The following CBR4 variants were observed in gnomAD, a reference collection of about 807,000 sequenced individuals.
CBR4 encodes the protein carbonyl reductase 4.
A neutral mutation model predicts 21.0 loss-of-function variants in CBR4; 22 were observed. The ratio of observed to expected loss-of-function variants is 1.05; its 90% CI spans 0.75 to 1.50. CBR4 has a LOEUF of 1.50. Ranked by LOEUF, CBR4 falls within the 40% of genes most tolerant of loss-of-function variation. The pLI, the probability that CBR4 is intolerant of heterozygous loss-of-function variation, is 0.00. For synonymous variants in CBR4, 100 were observed against 104.4 expected (o/e 0.96, Z 0.26); for missense variants, 302 against 286.3 (o/e 1.05, Z -0.40).
chr4:168,898,320 C>T, intron 2 of CBR4: 1 of 645,560 alleles, frequency 1.5e-6, no homozygotes, highest in South Asian at 1.8e-5. Context: ...ACCACATAAA[C>T]TCACTTCCAG....
At chr4:168,938,624 G>GGATA (rs1462960978) in intron 2 of CBR4, among the ~76,000 whole-genome samples, 1 of 151,962 alleles carries the variant, frequency 6.6e-6, no homozygotes, top group Non-Finnish European at 1.5e-5. Context: ...ATGACACAGG[G>GGATA]GATATCACCA....
chr4:168,963,197 T>G (rs947899724), intron 2 of CBR4, among the ~76,000 whole-genome samples: 1 of 152,246 alleles, frequency 6.6e-6, no homozygotes, highest in African/African-American at 2.4e-5. Flanking sequence ...TTGTGGTTGA[T>G]TTCAGCACAA....
chr4:169,000,688 T>C (rs1275821615), intron 4 of CBR4, among the ~76,000 whole-genome samples: 1 of 152,146 alleles, frequency 6.6e-6, no homozygotes, highest in Non-Finnish European at 1.5e-5. Flanking sequence ...CTGGCAGAGG[T>C]AGATAAAAAC....
intron 2 of CBR4, among the ~76,000 whole-genome samples, chr4:168,918,841 C>T (rs1230269226): frequency 6.6e-6 from 1 of 151,958 alleles, no homozygotes; most frequent in Non-Finnish European, 1.5e-5. Flanking sequence ...TGTAAAATAA[C>T]GTTTTGAGTT....
chr4:168,981,523 G>A (rs1208975847), intron 2 of CBR4, among the ~76,000 whole-genome samples: 1 of 152,162 alleles, frequency 6.6e-6, no homozygotes, highest in African/African-American at 2.4e-5. Context: ...GCTGGGGAAT[G>A]AATCTCAGAG....
intron 2 of CBR4, among the ~76,000 whole-genome samples, chr4:168,932,314 G>C (rs952191083): frequency 2.6e-5 from 4 of 151,008 alleles, no homozygotes; most frequent in African/African-American, 9.7e-5. Flanking sequence ...GCAATCAAGA[G>C]CTTCAACAAC....
intron 1 of CBR4, among the ~76,000 whole-genome samples, chr4:169,009,380 TA>T (rs1731194909): frequency 6.6e-6 from 1 of 152,196 alleles, no homozygotes; most frequent in African/African-American, 2.4e-5. Flanking sequence ...TTAATAACAT[TA>T]AAGCAAACCA....
At chr4:168,901,078 CT>C (rs1756415822) in intron 2 of CBR4, among the ~76,000 whole-genome samples, 2 of 152,100 alleles carry the variant, frequency 1.3e-5, no homozygotes, top group African/African-American at 2.4e-5. Flanking sequence ...ATTGTTTAAA[CT>C]TTTCATTGTT....
chr4:168,971,643 G>A (rs574289035), intron 2 of CBR4, among the ~76,000 whole-genome samples: 19 of 151,958 alleles, frequency 1.3e-4, no homozygotes, highest in African/African-American at 2.9e-4. Context: ...TTTATGATAG[G>A]ATTATTTGTT....
At chr4:168,950,021 C>G (rs1207437645) in intron 2 of CBR4, among the ~76,000 whole-genome samples, 1 of 152,118 alleles carries the variant, frequency 6.6e-6, no homozygotes, top group Non-Finnish European at 1.5e-5. Flanking sequence ...CTTGGTTAAT[C>G]TTCCTAATGG....
At chr4:169,002,638 T>C (rs17054631) in intron 3 of CBR4, among the ~76,000 whole-genome samples, 33 of 152,338 alleles carry the variant, frequency 2.2e-4, no homozygotes, top group East Asian at 1.5e-3. Flanking sequence ...GCTCTCGTTT[T>C]CACCCTAAAA....
At chr4:168,897,660 C>G (rs1755506888) in intron 2 of CBR4, among the ~76,000 whole-genome samples, 1 of 152,122 alleles carries the variant, frequency 6.6e-6, no homozygotes, top group South Asian at 2.1e-4. Flanking sequence ...CTTTGTTGCC[C>G]AAGCTGGTCT....
rs1578988682 is a variant in CBR4 at position 168,989,171 on chromosome 4, T to C, written c.*979A>G. The C allele has an allele frequency of 3.1e-6, 3 of 966,996 alleles. No individual in the cohort carries two copies. Among genetic ancestry groups the C allele is most frequent in the South Asian group, 4.8e-5 (1 of 20,900 alleles). The allele number at this position is 966,996 out of a possible 1,614,324, so 59.9% of individuals were successfully genotyped here. ...ACAGAATTTATTACTTTCTAGAATT[T>C]TGGGATAAGAATCATAATCACTAAT... On this transcript the variant is annotated 3_prime_UTR_variant, in exon 5 of 5. Transcript: ENST00000306193.
chr4:168,993,274 G>A (rs1048431645), intron 4 of CBR4, among the ~76,000 whole-genome samples: 4 of 150,512 alleles, frequency 2.7e-5, no homozygotes, highest in African/African-American at 9.8e-5. Context: ...GCAGTGGTGC[G>A]ATCTAGGCTC....
intron 2 of CBR4, among the ~76,000 whole-genome samples, chr4:168,904,982 C>G (rs573906306): frequency 6.6e-6 from 1 of 151,834 alleles, no homozygotes; most frequent in South Asian, 2.1e-4. Context: ...CAAAAATTAG[C>G]CAGGTGTGGT....
Position 168,989,925 on chromosome 4 carries a change from G to T in CBR4, c.*225C>A. On this transcript the variant is annotated 3_prime_UTR_variant, in exon 5 of 5. Coordinates refer to ENST00000306193, the MANE Select transcript of CBR4 (RefSeq NM_032783.5). ...GGTATGTGAATTGTATCTCATGAAG[G>T]CTTTTTAAACAAAACAACACTGATG... The T allele has an allele frequency of 8.5e-7, 1 of 1,181,924 alleles. No individual in the cohort carries two copies. Among genetic ancestry groups the T allele is most frequent in the Non-Finnish European group, 1.0e-6 (1 of 955,008 alleles). The allele number at this position is 1,181,924 out of a possible 1,614,324, so 73.2% of individuals were successfully genotyped here.
intron 2 of CBR4, among the ~76,000 whole-genome samples, chr4:168,939,229 C>G (rs944019792): frequency 2.0e-5 from 3 of 152,108 alleles, no homozygotes; most frequent in Non-Finnish European, 4.4e-5. Flanking sequence ...CAGAAAAGGC[C>G]TCTGACAAAA....
intron 2 of CBR4, chr4:168,928,092 AGCACCGGGTG>A (rs1762781729): frequency 5.1e-6 from 1 of 195,454 alleles, no homozygotes; most frequent in Non-Finnish European, 1.1e-5. Context: ...AATAGGCTTG[AGCACCGGGTG>A]GCAGATGTTC....
intron 2 of CBR4, chr4:168,924,845 G>A: frequency 8.3e-7 from 1 of 1,205,264 alleles, no homozygotes; most frequent in Non-Finnish European, 1.2e-6. Context: ...TCAGCTACTT[G>A]CACAATTCTG....
Sources: allele counts gnomAD v4.1 joint callset (sites outside exome capture counted in the v4.1 genomes callset), GRCh38; gene constraint gnomAD v4.1.1; transcripts MANE v1.5; gene names NCBI Gene and HGNC (gene_info 2026-07-23, HGNC 2026-07-21).